IFT52: variants seen among roughly 807,000 people sequenced by gnomAD.
The protein encoded by IFT52 is intraflagellar transport 52.
Under a neutral mutation model 54.4 loss-of-function variants are expected in IFT52, and 44 were observed. That is an observed-to-expected ratio of 0.81 (90% CI 0.63 to 1.04). IFT52 has a LOEUF of 1.04. Among genes scored for constraint, IFT52 ranks in the 50% least tolerant of loss-of-function variants. The pLI is 0.00. For missense variants in IFT52, 452 were observed against 523.6 expected, an observed-to-expected ratio of 0.86 and a Z score of 1.33; for synonymous variants, 181 against 185.3, an observed-to-expected ratio of 0.98 and a Z score of 0.19.
At chr20:43,639,146 A>G (rs1484567766) in intron 12 of IFT52, among the ~76,000 whole-genome samples, 1 of 151,736 alleles carries the variant, frequency 6.6e-6, no homozygotes, top group Non-Finnish European at 1.5e-5. Flanking sequence ...CATTCAAAAA[A>G]TTGGAAACAG....
At chr20:43,608,037 A>C (rs1433427691) in intron 6 of IFT52, among the ~76,000 whole-genome samples, 2 of 106,726 alleles carry the variant, frequency 1.9e-5, no homozygotes, top group Non-Finnish European at 4.0e-5. Context: ...AATCACAGGC[A>C]CTCGGCAGGC....
intron 3 of IFT52, among the ~76,000 whole-genome samples, chr20:43,597,109 C>T (rs1221347400): frequency 4.0e-5 from 6 of 151,488 alleles, no homozygotes; most frequent in African/African-American, 9.7e-5. Flanking sequence ...CGGTGGCTCA[C>T]ACCTGTAATC....
chr20:43,604,340 G>A, intron 5 of IFT52, 82 bp downstream of exon 5: 3 of 984,452 alleles, frequency 3.0e-6, no homozygotes, highest in Admixed American at 1.9e-5. Flanking sequence ...AAGCCAAGGT[G>A]GATGGATCAT....
chr20:43,594,185 G>A (rs1981749730), intron 1 of IFT52, among the ~76,000 whole-genome samples: 1 of 152,052 alleles, frequency 6.6e-6, no homozygotes, highest in African/African-American at 2.4e-5. Context: ...ACACGTGCCT[G>A]TAATCCTGGC....
chr20:43,618,922 C>T lies in IFT52; in HGVS notation c.613-18C>T. 1 of 1,584,436 alleles carries T rather than the reference C, an allele frequency of 6.3e-7. No homozygotes were observed. The highest frequency in any genetic ancestry group is 8.7e-7 in the Non-Finnish European group (1 of 1,153,738). ...CACTTTCGGATTTGAGTATCTGACC[C>T]TGCTTTGTCATCAATAGAACCAAGG... On this transcript the variant is annotated intron_variant, in intron 7 of 13. Coordinates refer to ENST00000373030, the MANE Select transcript of IFT52 (RefSeq NM_016004.5).
chr20:43,607,355 C>G (rs940749637), intron 6 of IFT52, among the ~76,000 whole-genome samples: 1 of 150,690 alleles, frequency 6.6e-6, no homozygotes, highest in Non-Finnish European at 1.5e-5. Context: ...CGGGCGGAGA[C>G]GCTCCTCACT....
At chr20:43,602,143 T>TTTCATTTATTTA (rs11472130) in intron 3 of IFT52, among the ~76,000 whole-genome samples, 3 of 145,562 alleles carry the variant, frequency 2.1e-5, no homozygotes, top group African/African-American at 7.7e-5. Flanking sequence ...CTGATTTTTA[T>TTTCATTTATTTA]TTTATTTATT....
chr20:43,637,686 A>T (rs1025541924), intron 12 of IFT52, among the ~76,000 whole-genome samples: 1 of 152,200 alleles, frequency 6.6e-6, no homozygotes, highest in Admixed American at 6.5e-5. Context: ...GAATAGGAGT[A>T]TAAACTTACC....
intron 5 of IFT52, 77 bp downstream of exon 5, chr20:43,604,335 A>G: frequency 9.7e-7 from 1 of 1,028,112 alleles, no homozygotes; most frequent in Non-Finnish European, 1.5e-6. Context: ...TTGGGAAGCC[A>G]AGGTGGATGG....
At chr20:43,636,066 T>C in intron 11 of IFT52, 53 bp downstream of exon 11, 1 of 1,551,096 alleles carries the variant, frequency 6.4e-7, no homozygotes, top group Non-Finnish European at 8.9e-7. Context: ...GTTGCCCTTA[T>C]CTTGTCAGCA....
At chr20:43,635,888 G>A (rs1985496286) in intron 10 of IFT52, 38 bp from the exon 11 acceptor site, 1 of 1,583,838 alleles carries the variant, frequency 6.3e-7, no homozygotes, top group African/African-American at 1.3e-5. Flanking sequence ...GAGCTATAGT[G>A]TCTTGATCCC....
intron 10 of IFT52, among the ~76,000 whole-genome samples, chr20:43,627,620 A>C (rs1307871768): frequency 6.6e-6 from 1 of 152,222 alleles, no homozygotes; most frequent in Non-Finnish European, 1.5e-5. Context: ...TACTGGTGGG[A>C]ATGTTCCAGT....
intron 8 of IFT52, among the ~76,000 whole-genome samples, chr20:43,620,157 T>C (rs1984178844): frequency 6.6e-6 from 1 of 151,980 alleles, no homozygotes; most frequent in Non-Finnish European, 1.5e-5. Flanking sequence ...CTTCAGGTGA[T>C]CCACCTGCCT....
chr20:43,610,437 T>G (rs1983343156), intron 6 of IFT52, among the ~76,000 whole-genome samples: 1 of 151,938 alleles, frequency 6.6e-6, no homozygotes, highest in Non-Finnish European at 1.5e-5. Context: ...TTTTTGACTG[T>G]CAAGAATCAA....
In IFT52 at chr20:43,618,937, T is replaced by C. The variant is rs1445256127; in HGVS notation, c.613-3T>C. The C allele has an allele frequency of 1.9e-6, 3 of 1,610,754 alleles. No homozygotes were observed. Among genetic ancestry groups the C allele is most frequent in the Non-Finnish European group, 1.7e-6 (2 of 1,177,174 alleles). On this transcript the variant is annotated splice_region_variant and splice_polypyrimidine_tract_variant and intron_variant, in intron 7 of 13. Transcript: ENST00000373030. ...GTATCTGACCCTGCTTTGTCATCAA[T>C]AGAACCAAGGTGGGAAGCTGGCAGT...
intron 5 of IFT52, 39 bp from the exon 6 acceptor site, chr20:43,604,962 AT>A (rs764510071): frequency 3.0e-5 from 48 of 1,600,816 alleles, no homozygotes; most frequent in Non-Finnish European, 3.6e-5. Flanking sequence ...AAATTCTCAA[AT>A]TTTTTTTGTT....
intron 9 of IFT52, among the ~76,000 whole-genome samples, chr20:43,622,604 A>G (rs1451784248): frequency 6.7e-6 from 1 of 149,236 alleles, no homozygotes; most frequent in African/African-American, 2.4e-5. Flanking sequence ...CTCGTCTCAA[A>G]AAAAATAAAT....
chr20:43,604,006 TA>T (rs1410104233), intron 4 of IFT52, 117 bp downstream of exon 4: 1 of 937,292 alleles, frequency 1.1e-6, no homozygotes, highest in Non-Finnish European at 1.7e-6. Context: ...GTGCGTGTTT[TA>T]ATGTTCCATT....
chr20:43,629,747 G>T (rs1985029162), intron 10 of IFT52, among the ~76,000 whole-genome samples: 1 of 152,152 alleles, frequency 6.6e-6, no homozygotes, highest in Non-Finnish European at 1.5e-5. Flanking sequence ...ATCAAGCCCT[G>T]ACTAACAATT....
Sources: gnomAD v4.1 joint callset for allele counts (sites outside exome capture counted in the v4.1 genomes callset) on GRCh38, gnomAD v4.1.1 for gene constraint, MANE v1.5 for transcripts, NCBI Gene and HGNC (gene_info 2026-07-23, HGNC 2026-07-21) for gene names.